Variants in SUN2 observed in about 807,000 individuals in gnomAD.
The protein encoded by SUN2 is Sad1 and UNC84 domain containing 2.
A neutral mutation model predicts 100.0 loss-of-function variants in SUN2; 60 were observed. The observed-to-expected ratio is 0.60, with a 90% CI of 0.49 to 0.74. The LOEUF is 0.74. Among genes scored for constraint, SUN2 ranks in the 30% least tolerant of loss-of-function variants. SUN2 has a pLI of 0.00. For missense variants in SUN2, 834 were observed against 954.6 expected, an observed-to-expected ratio of 0.87 and a Z score of 1.66; for synonymous variants, 367 against 403.3, an observed-to-expected ratio of 0.91 and a Z score of 1.08.
At chr22:38,754,191 G>A (rs975377274) in intron 1 of SUN2, among the ~76,000 whole-genome samples, 4 of 152,178 alleles carry the variant, frequency 2.6e-5, no homozygotes, top group African/African-American at 7.2e-5. Context: ...CTAGACACCC[G>A]AATTCAAAGT....
In SUN2 at chr22:38,736,978, G is replaced by A. The variant is rs138835866; in HGVS notation, c.2041-598C>T. Reference sequence around the variant, plus strand: ...CCCACCTTAGCCTCCCCAGTAGCTGGGACCACAGGTGCATGTCACCACACC... The same window carrying A: ...CCCACCTTAGCCTCCCCAGTAGCTGAGACCACAGGTGCATGTCACCACACC... On this transcript the variant is annotated intron_variant, in intron 17 of 17. Coordinates refer to ENST00000689035, the MANE Select transcript of SUN2 (RefSeq NM_015374.3). Among the ~76,000 whole-genome samples the A allele has an allele frequency of 7.5e-3, 1,149 of 152,188 alleles. 4 individuals are homozygous for A. Among genetic ancestry groups the A allele is most frequent in the Non-Finnish European group, 0.011 (717 of 68,004 alleles).
At chr22:38,746,700 A>G (rs1285710403) in intron 7 of SUN2, among the ~76,000 whole-genome samples, 2 of 152,234 alleles carry the variant, frequency 1.3e-5, no homozygotes, top group African/African-American at 4.8e-5. Context: ...AATGCACGGG[A>G]AAGTGCTCTC....
At chr22:38,746,588 A>G (rs2092905205) in intron 7 of SUN2, among the ~76,000 whole-genome samples, 1 of 152,220 alleles carries the variant, frequency 6.6e-6, no homozygotes, top group South Asian at 2.1e-4. Context: ...CTCCCCGAGC[A>G]GGTCACTGAG....
In SUN2 at chr22:38,754,764, G is replaced by A; in HGVS notation, c.-38+999C>T. ...TATACCATACCCAAGCTGCCGCTGG[G>A]AAGAACTAAATATTCTGATGGAGGT... On this transcript the variant is annotated intron_variant, in intron 1 of 17. Transcript: ENST00000689035. The A allele has an allele frequency of 3.1e-6, 4 of 1,288,092 alleles. No individual in the cohort carries two copies. In the South Asian group the frequency reaches 4.9e-5, roughly 16 times the overall value. 79.8% of individuals were successfully genotyped at this position (1,288,092 alleles called of 1,614,324 possible).
At chr22:38,742,891 G>A in intron 8 of SUN2, 1 of 234,110 alleles carries the variant, frequency 4.3e-6, no homozygotes, top group Non-Finnish European at 8.4e-6. Flanking sequence ...CTGCAGGATG[G>A]CTGCAGGGGG....
In SUN2 at chr22:38,738,610, C is replaced by T. The variant is rs2092827644; in HGVS notation, c.1924G>A (p.Ala642Thr). ...ACAAAGATGGCGAAGTCCTTGGGGGCACTGGAGATAGTGCTGTTGGGTGAC... is the reference window on the plus strand; with the variant it reads ...ACAAAGATGGCGAAGTCCTTGGGGGTACTGGAGATAGTGCTGTTGGGTGAC... The part of the protein sequence containing the change: ...ALSPNSTISS[A>T]PKDFAIFGFD... Residue 642 changes from alanine to threonine, a missense_variant, in exon 16 of 18, where the codon GCC (alanine) becomes ACC (threonine). Transcript: ENST00000689035. The surrounding 1 kb of genome is among the most constrained non-coding windows in gnomAD (Gnocchi z 6.6). The T allele has an allele frequency of 1.2e-6, 2 of 1,613,642 alleles. No homozygotes were observed. The highest frequency in any genetic ancestry group is 1.3e-5 in the African/African-American group (1 of 74,936).
chr22:38,741,077 A>G (rs2092853556), intron 10 of SUN2, 27 bp from the exon 11 acceptor site: 4 of 1,583,720 alleles, frequency 2.5e-6, no homozygotes, highest in Non-Finnish European at 3.4e-6. Flanking sequence ...GACAAATACA[A>G]GAAATACTCA....
intron 8 of SUN2, 110 bp downstream of exon 8, chr22:38,745,574 C>A: frequency 7.2e-7 from 1 of 1,390,950 alleles, no homozygotes; most frequent in Non-Finnish European, 9.9e-7. Context: ...ACTAACAGTA[C>A]GCCTCAGCTT....
chr22:38,755,424 C>G lies in SUN2; in HGVS notation c.-38+339G>C. ...AGGCAGAGGCTGGGAACTGCCTGTC[C>G]CTGGAAACGGCCTGTCTGGCACAAA... On this transcript the variant is annotated intron_variant, in intron 1 of 17. Coordinates refer to ENST00000689035, the MANE Select transcript of SUN2 (RefSeq NM_015374.3). This position sits in a 1 kb window ranked among gnomAD's most constrained non-coding sequence, Gnocchi z 5.7. 1 of 997,066 alleles carries G rather than the reference C, an allele frequency of 1.0e-6. No individual in the cohort carries two copies. The highest frequency in any genetic ancestry group is 4.2e-5 in the South Asian group (1 of 23,884). 61.8% of individuals were successfully genotyped at this position (997,066 alleles called of 1,614,324 possible). A position where few individuals can be genotyped will look rare whatever the true frequency, so the allele number is the denominator to read the frequency against.
At chr22:38,751,566 C>G in intron 2 of SUN2, 193 bp from the exon 3 acceptor site, 1 of 598,744 alleles carries the variant, frequency 1.7e-6, no homozygotes, top group South Asian at 2.1e-5. Flanking sequence ...TGAATCTCAC[C>G]AGCAGATGGG....
chr22:38,747,709 G>A (rs538706145), intron 7 of SUN2, among the ~76,000 whole-genome samples: 50 of 152,298 alleles, frequency 3.3e-4, no homozygotes, highest in Non-Finnish European at 5.4e-4. Context: ...TTGGGAGGCC[G>A]AGGTGGGTGG....
chr22:38,741,255 C>T, intron 10 of SUN2, among the ~76,000 whole-genome samples: 1 of 152,110 alleles, frequency 6.6e-6, no homozygotes, highest in South Asian at 2.1e-4. Context: ...ATCTGTTCAC[C>T]CACACTCAGC....
intron 1 of SUN2, among the ~76,000 whole-genome samples, chr22:38,752,963 C>T (rs2092958535): frequency 6.6e-6 from 1 of 152,210 alleles, no homozygotes; most frequent in Non-Finnish European, 1.5e-5. Context: ...TTGTCTTTAT[C>T]CTTCATGGTG....
At chr22:38,754,255 A>G (rs1298130045) in intron 1 of SUN2, among the ~76,000 whole-genome samples, 11 of 152,234 alleles carry the variant, frequency 7.2e-5, no homozygotes, top group Non-Finnish European at 1.6e-4. Flanking sequence ...TGGCCCGTAC[A>G]ACAAAGTCAC....
intron 6 of SUN2, among the ~76,000 whole-genome samples, chr22:38,749,535 C>T (rs2146062421): frequency 6.6e-6 from 1 of 152,320 alleles, no homozygotes; most frequent in Non-Finnish European, 1.5e-5. Flanking sequence ...AATCTGTGCT[C>T]TGGAATCCTG....
rs2092814202 is a variant in SUN2 at position 38,737,308 on chromosome 22, C to A, written c.2040+865G>T. ...ACCTGCCCCCTGCTCCACATCAGCC[C>A]CCATCGCAGTGGCTTCTTCCTCCCA... On this transcript the variant is annotated intron_variant, in intron 17 of 17. Coordinates refer to ENST00000689035, the MANE Select transcript of SUN2 (RefSeq NM_015374.3). This position sits in a 1 kb window ranked among gnomAD's most constrained non-coding sequence, Gnocchi z 4.1. Among the ~76,000 whole-genome samples the A allele has an allele frequency of 6.6e-6, 1 of 152,038 alleles. No homozygotes were observed. The highest frequency in any genetic ancestry group is 1.5e-5 in the Non-Finnish European group (1 of 67,998).
chr22:38,752,191 G>A (rs1035462034), intron 2 of SUN2, among the ~76,000 whole-genome samples: 3 of 152,146 alleles, frequency 2.0e-5, no homozygotes, highest in Non-Finnish European at 4.4e-5. Flanking sequence ...GTCAGGGTCA[G>A]GTGATCCACC....
At chr22:38,745,015 C>T in intron 8 of SUN2, 1 of 471,034 alleles carries the variant, frequency 2.1e-6, no homozygotes, top group Non-Finnish European at 4.4e-6. Flanking sequence ...AAGTCTATTT[C>T]CCTCTCCTTG....
chr22:38,754,448 T>A (rs951104304), intron 1 of SUN2, among the ~76,000 whole-genome samples: 1 of 152,194 alleles, frequency 6.6e-6, no homozygotes, highest in Admixed American at 6.5e-5. Context: ...ACAAGCAGCC[T>A]CATGTCCTGG....
Sources: gnomAD v4.1 joint callset for allele counts (sites outside exome capture counted in the v4.1 genomes callset) on GRCh38, gnomAD v4.1.1 for gene constraint, Gnocchi (gnomAD v3.1) non-coding constraint, MANE v1.5 for transcripts, NCBI Gene and HGNC (gene_info 2026-07-23, HGNC 2026-07-21) for gene names.